The following FRMPD4 variants were observed in gnomAD, a reference collection of about 807,000 sequenced individuals.
FRMPD4 encodes FERM and PDZ domain containing 4, also known as FERM and PDZ domain-containing protein 4.
A neutral mutation model predicts 94.1 loss-of-function variants in FRMPD4; 22 were observed. The observed-to-expected ratio is 0.23, with a 90% confidence interval of 0.17 to 0.33. The LOEUF is 0.33. Among genes scored for constraint, FRMPD4 ranks in the 10% least tolerant of loss-of-function variants. FRMPD4 has a pLI of 1.00. For missense variants in FRMPD4, 1,111 were observed against 1,339.9 expected (o/e 0.83, Z 2.67); for synonymous variants, 631 against 548.6 (o/e 1.15, Z -2.10).
chrX:11,847,910 G>A (rs28690277), intron 1 of FRMPD4, among the ~76,000 whole-genome samples: 30,594 of 87,329 alleles, frequency 0.35, 6,106 homozygotes, highest in African/African-American at 0.55. Context: ...GAGGGTTAGC[G>A]TTAGGAGATA....
chrX:12,249,112 AT>A (rs1386498512), intron 1 of FRMPD4, among the ~76,000 whole-genome samples: 2 of 112,702 alleles, frequency 1.8e-5, no homozygotes, highest in African/African-American at 6.4e-5. Flanking sequence ...GATTATGGAC[AT>A]TTTCTAGTAT....
chrX:11,985,492 T>C (rs1412356007), intron 3 of FRMPD4, among the ~76,000 whole-genome samples: 8 of 112,065 alleles, frequency 7.1e-5, no homozygotes, highest in Middle Eastern at 9.2e-3. Flanking sequence ...GTGGCTATGA[T>C]GAAAGACTCC....
At chrX:12,170,318 A>G (rs1471576026) in intron 1 of FRMPD4, among the ~76,000 whole-genome samples, 1 of 109,624 alleles carries the variant, frequency 9.1e-6, no homozygotes, top group East Asian at 2.9e-4. Context: ...CAATTGTGCT[A>G]CCTCCAGGTA....
At chrX:12,028,158 GT>G (rs770283323) in intron 3 of FRMPD4, among the ~76,000 whole-genome samples, 1 of 111,850 alleles carries the variant, frequency 8.9e-6, no homozygotes, top group Admixed American at 9.5e-5. Context: ...AGCTCATGAG[GT>G]TTTTGGCAGA....
intron 1 of FRMPD4, among the ~76,000 whole-genome samples, chrX:12,367,668 T>C (rs1038618544): frequency 9.0e-6 from 1 of 110,677 alleles, no homozygotes; most frequent in Non-Finnish European, 1.9e-5. Flanking sequence ...GGAAAGGAGA[T>C]GCTTCGAGGT....
At chrX:12,190,721 C>A (rs2056481803) in intron 1 of FRMPD4, among the ~76,000 whole-genome samples, 1 of 101,870 alleles carries the variant, frequency 9.8e-6, no homozygotes, top group Non-Finnish European at 2.0e-5. Flanking sequence ...AATCTACACA[C>A]AAACTTGATG....
chrX:12,532,557 CA>C (rs2058296483), intron 2 of FRMPD4, among the ~76,000 whole-genome samples: 1 of 112,031 alleles, frequency 8.9e-6, no homozygotes. Flanking sequence ...AATATTATAT[CA>C]CATTAAAGTT....
intron 1 of FRMPD4, among the ~76,000 whole-genome samples, chrX:12,421,658 G>T (rs1398220811): frequency 1.4e-4 from 15 of 108,668 alleles, no homozygotes; most frequent in African/African-American, 4.7e-4. Context: ...ACCCCAGGAG[G>T]CTGAGGTGGG....
rs771781642 is a variant in FRMPD4, at chrX:12,116,206, T to C, written c.95+238188T>C. Among the ~76,000 whole-genome samples the C allele has an allele frequency of 7.1e-5, 8 of 112,317 alleles. No homozygotes were observed. In the South Asian group the frequency reaches 2.6e-3, roughly 37 times the overall value. ...CTCTGCCATCAACCCCCAGTCTCAC[T>C]ATTCCCAGCTCTATCACACTTTATA... On this transcript the variant is annotated intron_variant, in intron 3 of 18. Transcript: ENST00000640291.
chrX:11,933,887 T>C (rs1021196396), intron 3 of FRMPD4, among the ~76,000 whole-genome samples: 1 of 112,279 alleles, frequency 8.9e-6, no homozygotes, highest in Non-Finnish European at 1.9e-5. Flanking sequence ...TTCCCTCGTT[T>C]ATGTTTGCCT....
chrX:12,231,285 A>G (rs1210973696), intron 1 of FRMPD4, among the ~76,000 whole-genome samples: 2 of 105,689 alleles, frequency 1.9e-5, no homozygotes, highest in East Asian at 3.0e-4. Flanking sequence ...TTGAGTCTCA[A>G]TCTGAGCACT....
chrX:12,399,221 T>C (rs2056580967), intron 1 of FRMPD4, among the ~76,000 whole-genome samples: 1 of 111,950 alleles, frequency 8.9e-6, no homozygotes, highest in Non-Finnish European at 1.9e-5. Context: ...AAAGACAGGT[T>C]CATGTCCACC....
At chrX:12,676,153 C>T (rs2059896297) in intron 5 of FRMPD4, among the ~76,000 whole-genome samples, 4 of 112,252 alleles carry the variant, frequency 3.6e-5, no homozygotes, top group Non-Finnish European at 3.8e-5. Flanking sequence ...TAGAGAACCA[C>T]GACTTGAGAT....
chrX:12,213,784 G>C (rs2056777747), intron 1 of FRMPD4, among the ~76,000 whole-genome samples: 1 of 112,073 alleles, frequency 8.9e-6, no homozygotes, highest in African/African-American at 3.2e-5. Flanking sequence ...AATGAGAAAG[G>C]ATAAAAATGT....
At chrX:12,210,180 A>T (rs916765) in intron 1 of FRMPD4, among the ~76,000 whole-genome samples, 1 of 110,798 alleles carries the variant, frequency 9.0e-6, no homozygotes, top group Non-Finnish European at 1.9e-5. Flanking sequence ...CAAGAAATGC[A>T]GACCAAAAAG....
intron 1 of FRMPD4, among the ~76,000 whole-genome samples, chrX:11,849,624 G>C (rs1295894919): frequency 9.1e-6 from 1 of 109,600 alleles, no homozygotes; most frequent in Non-Finnish European, 1.9e-5. Flanking sequence ...CACATAACAT[G>C]GTCAAATGAT....
chrX:11,983,068 A>T (rs5935213), intron 3 of FRMPD4, among the ~76,000 whole-genome samples: 9,011 of 111,507 alleles, frequency 0.081, 328 homozygotes, highest in East Asian at 0.23. Context: ...TAGGAGTACC[A>T]CCAACCCAGG....
At chrX:11,995,753 T>C (rs1353158511) in intron 3 of FRMPD4, among the ~76,000 whole-genome samples, 1 of 112,216 alleles carries the variant, frequency 8.9e-6, no homozygotes, top group East Asian at 2.8e-4. Context: ...TCTCTTCTCA[T>C]TTGGCATCTG....
chrX:12,396,787 T>G (rs1368781580), intron 1 of FRMPD4, among the ~76,000 whole-genome samples: 1 of 112,454 alleles, frequency 8.9e-6, no homozygotes, highest in Non-Finnish European at 1.9e-5. Flanking sequence ...TAAGCAATTT[T>G]AATGCCTCCT....
Sources: gnomAD v4.1 joint callset for allele counts (sites outside exome capture counted in the v4.1 genomes callset) on GRCh38, gnomAD v4.1.1 for gene constraint, MANE v1.5 for transcripts, NCBI Gene and HGNC (gene_info 2026-07-23, HGNC 2026-07-21) for gene names.